ITGA8: variants seen among roughly 807,000 people sequenced by gnomAD.
ITGA8 encodes integrin alpha-8.
A neutral mutation model predicts 142.3 loss-of-function variants in ITGA8; 91 were observed. The ratio of observed to expected loss-of-function variants is 0.64; its 90% CI spans 0.54 to 0.76. The LOEUF (loss-of-function observed/expected upper bound fraction) is 0.76, where lower values mean the gene tolerates loss of function less well. Among genes scored for constraint, ITGA8 ranks in the 30% least tolerant of loss-of-function variants. ITGA8 has a pLI of 0.00. For missense variants in ITGA8, 1,406 were observed against 1,327.7 expected, an observed-to-expected ratio of 1.06 and a Z score of -0.92; for synonymous variants, 505 against 485.2, an observed-to-expected ratio of 1.04 and a Z score of -0.54.
intron 27 of ITGA8, among the ~76,000 whole-genome samples, chr10:15,547,289 C>T (rs916934474): frequency 3.3e-5 from 5 of 152,144 alleles, no homozygotes; most frequent in South Asian, 2.1e-4. Context: ...TGCCCATAGT[C>T]GGCCAGGAGC....
intron 2 of ITGA8, among the ~76,000 whole-genome samples, chr10:15,713,101 C>A (rs1835390636): frequency 6.6e-6 from 1 of 152,224 alleles, no homozygotes; most frequent in Admixed American, 6.5e-5. Flanking sequence ...GCTGCCTCCT[C>A]CCTTCTCATA....
At chr10:15,636,585 G>T (rs978935666) in intron 13 of ITGA8, among the ~76,000 whole-genome samples, 2 of 151,874 alleles carry the variant, frequency 1.3e-5, no homozygotes, top group Non-Finnish European at 2.9e-5. Context: ...CCTTTTCTTG[G>T]GTACACTGCA....
chr10:15,533,985 C>T (rs1833366283), intron 27 of ITGA8, among the ~76,000 whole-genome samples: 1 of 151,964 alleles, frequency 6.6e-6, no homozygotes, highest in Non-Finnish European at 1.5e-5. Context: ...CGGCTCACTG[C>T]AACCTCCACC....
At chr10:15,571,731 T>C (rs1172916613) in intron 25 of ITGA8, among the ~76,000 whole-genome samples, 1 of 152,172 alleles carries the variant, frequency 6.6e-6, no homozygotes, top group African/African-American at 2.4e-5. Context: ...AAGAATAGGG[T>C]CCAGAACATT....
At chr10:15,534,456 T>C (rs936210312) in intron 27 of ITGA8, among the ~76,000 whole-genome samples, 1 of 152,180 alleles carries the variant, frequency 6.6e-6, no homozygotes, top group African/African-American at 2.4e-5. Context: ...CCTAGAACAA[T>C]GTGCACAGGA....
At chr10:15,700,388 C>T (rs7896785) in intron 2 of ITGA8, among the ~76,000 whole-genome samples, 2,431 of 152,308 alleles carry the variant, frequency 0.016, 73 homozygotes, top group African/African-American at 0.054. Context: ...CCTGTGAACA[C>T]ACCCAGCATT....
At chr10:15,698,881 T>C (rs545349112) in intron 2 of ITGA8, among the ~76,000 whole-genome samples, 17 of 152,184 alleles carry the variant, frequency 1.1e-4, no homozygotes, top group Non-Finnish European at 1.9e-4. Context: ...CTCTGGCAAT[T>C]ATTTATTTTG....
intron 13 of ITGA8, among the ~76,000 whole-genome samples, chr10:15,635,605 C>T (rs1019983586): frequency 1.2e-4 from 18 of 151,960 alleles, no homozygotes; most frequent in Admixed American, 3.3e-4. Flanking sequence ...AGAGCTCTCC[C>T]AGTTGAATTA....
chr10:15,521,938 C>G (rs529947963), intron 28 of ITGA8, among the ~76,000 whole-genome samples: 36 of 152,248 alleles, frequency 2.4e-4, no homozygotes, highest in African/African-American at 8.7e-4. Context: ...TGATGGTTAC[C>G]AGAAGCTGGC....
intron 13 of ITGA8, among the ~76,000 whole-genome samples, chr10:15,639,572 G>A (rs900503308): frequency 2.0e-5 from 3 of 152,230 alleles, no homozygotes; most frequent in Non-Finnish European, 2.9e-5. Flanking sequence ...CCAGCAGTAA[G>A]GGCCGCACCT....
chr10:15,678,983 G>A (rs917355527), intron 4 of ITGA8, among the ~76,000 whole-genome samples, 200 bp from the exon 5 acceptor site: 1 of 152,066 alleles, frequency 6.6e-6, no homozygotes, highest in Admixed American at 6.6e-5. Flanking sequence ...ACCAAATAGC[G>A]TTGTGATTCT....
chr10:15,698,972 A>G (rs1588734707), intron 2 of ITGA8, among the ~76,000 whole-genome samples: 1 of 152,176 alleles, frequency 6.6e-6, no homozygotes, highest in Non-Finnish European at 1.5e-5. Context: ...GTTCTTGATT[A>G]TAAAGTCTTT....
At chr10:15,714,319 G>A (rs1317065999) in intron 2 of ITGA8, among the ~76,000 whole-genome samples, 1 of 152,168 alleles carries the variant, frequency 6.6e-6, no homozygotes, top group Non-Finnish European at 1.5e-5. Flanking sequence ...GAACCTTGAA[G>A]TAGACACAGA....
intron 26 of ITGA8, among the ~76,000 whole-genome samples, chr10:15,549,668 C>T (rs956507332): frequency 2.0e-5 from 3 of 152,168 alleles, no homozygotes; most frequent in Admixed American, 2.0e-4. Context: ...TTTCATATCT[C>T]AAGCCCTCAA....
intron 22 of ITGA8, among the ~76,000 whole-genome samples, chr10:15,591,836 T>C (rs1832928463): frequency 6.6e-6 from 1 of 152,154 alleles, no homozygotes. Flanking sequence ...GACTTCAGGA[T>C]GGCCATTGCA....
At chr10:15,657,711 G>C (rs1254714568) in intron 10 of ITGA8, among the ~76,000 whole-genome samples, 2 of 151,604 alleles carry the variant, frequency 1.3e-5, no homozygotes, top group African/African-American at 4.8e-5. Context: ...TGTTTCTCCA[G>C]GCAATCGATT....
chr10:15,640,357 T>G (rs1424887786), intron 13 of ITGA8, among the ~76,000 whole-genome samples: 1 of 152,186 alleles, frequency 6.6e-6, no homozygotes, highest in Non-Finnish European at 1.5e-5. Flanking sequence ...CAGGGTCATT[T>G]TGGGGTATGC....
At chr10:15,678,661 A>G in intron 5 of ITGA8, 61 bp downstream of exon 5, 1 of 1,117,954 alleles carries the variant, frequency 8.9e-7, no homozygotes, top group East Asian at 2.4e-5. Context: ...TGGGAGTGAG[A>G]GGCAGAGGGT....
intron 11 of ITGA8, among the ~76,000 whole-genome samples, chr10:15,648,152 A>T (rs1834021220): frequency 6.6e-6 from 1 of 152,188 alleles, no homozygotes; most frequent in African/African-American, 2.4e-5. Context: ...GGTATAATGT[A>T]TAATTTCTGT....
Sources: gnomAD v4.1 joint callset for allele counts (sites outside exome capture counted in the v4.1 genomes callset) on GRCh38, gnomAD v4.1.1 for gene constraint, MANE v1.5 for transcripts, NCBI Gene and HGNC (gene_info 2026-07-23, HGNC 2026-07-21) for gene names.